The following THSD4 variants were observed in gnomAD, a reference collection of about 807,000 sequenced individuals.
The protein encoded by THSD4 is thrombospondin type 1 domain containing 4.
In THSD4, 69 loss-of-function variants were observed where a neutral mutation model predicts 119.0. That is an observed-to-expected ratio of 0.58 (90% CI 0.48 to 0.71). The LOEUF is 0.71. Ranked by LOEUF, THSD4 falls within the 30% of genes least tolerant of loss-of-function variation. The probability of loss-of-function intolerance (pLI) is 0.00; values close to 1 mark genes in which losing one functional copy is unlikely to be tolerated. For synonymous variants in THSD4, 524 were observed against 540.4 expected (o/e 0.97, Z 0.42); for missense variants, 1,393 against 1,391.1 (o/e 1.00, Z -0.02).
chr15:71,289,843 T>C (rs1159244968), intron 6 of THSD4, among the ~76,000 whole-genome samples: 2 of 152,052 alleles, frequency 1.3e-5, no homozygotes, highest in Non-Finnish European at 2.9e-5. Flanking sequence ...CCCTGGCTTC[T>C]CTTGCCATTT....
intron 3 of THSD4, among the ~76,000 whole-genome samples, chr15:71,193,428 C>G (rs951168473): frequency 1.3e-5 from 2 of 152,104 alleles, no homozygotes; most frequent in African/African-American, 2.4e-5. Flanking sequence ...CTCTAGGTAC[C>G]CTTGGGATAA....
chr15:71,537,724 TCTA>T (rs2048705264), intron 7 of THSD4, among the ~76,000 whole-genome samples: 1 of 152,166 alleles, frequency 6.6e-6, no homozygotes, highest in Non-Finnish European at 1.5e-5. Flanking sequence ...AAATACATTC[TCTA>T]CTGTGTATTT....
intron 12 of THSD4, among the ~76,000 whole-genome samples, chr15:71,745,452 C>G (rs1378471561): frequency 2.0e-5 from 3 of 152,184 alleles, no homozygotes; most frequent in African/African-American, 7.2e-5. Flanking sequence ...TTCTGGGAAG[C>G]CCACCCTTGA....
Position 71,203,276 on chromosome 15 carries a change from A to C in THSD4, c.100-11759A>C, listed in dbSNP as rs1016626702. ...GTTTGGGATGCCATGGCAAAGAGTAATTTTGGATTTTATCTTTTGGAGAGT... is the reference window on the plus strand; with the variant it reads ...GTTTGGGATGCCATGGCAAAGAGTACTTTTGGATTTTATCTTTTGGAGAGT... On this transcript the variant is annotated intron_variant, in intron 3 of 17. Coordinates refer to ENST00000261862, the MANE Select transcript of THSD4 (RefSeq NM_024817.3). 3.3e-5 allele frequency among the ~76,000 whole-genome samples: 5 copies of C among 152,114 alleles called. 1 individual carries two copies. Among genetic ancestry groups the C allele is most frequent in the Non-Finnish European group, 5.9e-5 (4 of 68,030 alleles).
At chr15:71,137,056 G>A (rs868258840) in intron 1 of THSD4, among the ~76,000 whole-genome samples, 4 of 152,154 alleles carry the variant, frequency 2.6e-5, no homozygotes, top group Non-Finnish European at 5.9e-5. Flanking sequence ...CCTTCCTGTA[G>A]GATCTTTGTG....
At chr15:71,228,248 T>C (rs2044033886) in intron 4 of THSD4, among the ~76,000 whole-genome samples, 1 of 151,688 alleles carries the variant, frequency 6.6e-6, no homozygotes, top group African/African-American at 2.4e-5. Context: ...GATGTGAAGA[T>C]AGAATAGAGA....
intron 6 of THSD4, among the ~76,000 whole-genome samples, chr15:71,345,202 T>G (rs993730096): frequency 6.5e-3 from 135 of 20,622 alleles, no homozygotes; most frequent in Middle Eastern, 0.033. Context: ...TGGCGGGGGG[T>G]TGGGGGGGTG....
At chr15:71,584,307 AC>A (rs1381486914) in intron 7 of THSD4, among the ~76,000 whole-genome samples, 1 of 104,066 alleles carries the variant, frequency 9.6e-6, no homozygotes, top group African/African-American at 3.7e-5. Context: ...TCACTTTGTC[AC>A]CCAGGCTGAA....
At chr15:71,530,215 A>AG (rs1214205700) in intron 7 of THSD4, among the ~76,000 whole-genome samples, 1 of 152,216 alleles carries the variant, frequency 6.6e-6, no homozygotes, top group East Asian at 1.9e-4. Context: ...CCAGCCAAGA[A>AG]GACTACCAGC....
intron 8 of THSD4, among the ~76,000 whole-genome samples, chr15:71,715,109 C>T (rs540021299): frequency 1.7e-4 from 26 of 152,278 alleles, no homozygotes; most frequent in Admixed American, 1.1e-3. Context: ...TGTTTATGTA[C>T]ATCTGTTCCC....
In THSD4 at chr15:71,286,879, T is replaced by C. The variant is rs1180116694; in HGVS notation, c.1015+30164T>C. 2.6e-5 allele frequency among the ~76,000 whole-genome samples: 4 copies of C among 152,232 alleles called. No individual in the cohort carries two copies. In the East Asian group the frequency reaches 7.7e-4, roughly 29 times the overall value. On this transcript the variant is annotated intron_variant, in intron 6 of 17. Coordinates refer to ENST00000261862, the MANE Select transcript of THSD4 (RefSeq NM_024817.3). ...GTGAGTTGGTGTCTCATTGTGGCTT[T>C]GATTTACATTTCTCTAATGATCAGT...
At chr15:71,400,065 A>T (rs1044498116) in intron 6 of THSD4, among the ~76,000 whole-genome samples, 2 of 152,200 alleles carry the variant, frequency 1.3e-5, no homozygotes, top group African/African-American at 2.4e-5. Context: ...ACTGTTTCTA[A>T]TCCGGATACC....
intron 6 of THSD4, among the ~76,000 whole-genome samples, chr15:71,265,316 G>A (rs1282344566): frequency 6.6e-6 from 1 of 152,142 alleles, no homozygotes; most frequent in African/African-American, 2.4e-5. Flanking sequence ...AGCTGAAGCA[G>A]GGTGGGGCTC....
intron 7 of THSD4, among the ~76,000 whole-genome samples, chr15:71,617,865 A>G (rs1354997256): frequency 6.6e-6 from 1 of 152,228 alleles, no homozygotes; most frequent in Non-Finnish European, 1.5e-5. Flanking sequence ...TATGTAAAAC[A>G]AAATTGAATT....
Position 71,735,160 on chromosome 15 carries a change from A to G in THSD4, c.1631-2572A>G, listed in dbSNP as rs371430870. Among the ~76,000 whole-genome samples, 5 of 152,292 alleles carry G rather than the reference A, an allele frequency of 3.3e-5. No homozygotes were observed. The East Asian group carries it at 9.7e-4, about 29-fold the overall frequency. On this transcript the variant is annotated intron_variant, in intron 10 of 17. Coordinates refer to ENST00000261862, the MANE Select transcript of THSD4 (RefSeq NM_024817.3). ...AAAGATCTAGAGTCTTAGACAAGCC[A>G]AAACATTGGCTAGACCCCCCTGGTG...
intron 7 of THSD4, among the ~76,000 whole-genome samples, chr15:71,559,223 G>A (rs866552682): frequency 1.3e-5 from 2 of 152,138 alleles, no homozygotes; most frequent in South Asian, 4.1e-4. Flanking sequence ...GCTGACCTCA[G>A]CATTCTTCAG....
intron 6 of THSD4, among the ~76,000 whole-genome samples, chr15:71,384,859 T>A (rs1039359723): frequency 4.6e-5 from 7 of 152,188 alleles, no homozygotes; most frequent in Admixed American, 1.3e-4. Flanking sequence ...ACTCAATTCT[T>A]CCAAAGTTAA....
rs558650436 is a variant in THSD4 at position 71,670,610 on chromosome 15, T to C, written c.1357+9876T>C. 8.6e-5 allele frequency among the ~76,000 whole-genome samples: 13 copies of C among 152,030 alleles called. No individual in the cohort carries two copies. In the East Asian group the frequency reaches 2.5e-3, roughly 29 times the overall value. On this transcript the variant is annotated intron_variant, in intron 8 of 17. Coordinates refer to ENST00000261862, the MANE Select transcript of THSD4 (RefSeq NM_024817.3). ...TGTGCTGCACCCATTAACTTGTCAT[T>C]TACATTAGGTATATCTCCTAATGCT...
Position 71,781,125 on chromosome 15 carries a change from A to G in THSD4, c.*3751A>G, listed in dbSNP as rs556965334. 20 of 190,024 alleles carry G rather than the reference A, an allele frequency of 1.1e-4. No homozygotes were observed. Among genetic ancestry groups the G allele is most frequent in the African/African-American group, 4.1e-4 (18 of 43,388 alleles). The allele number at this position is 190,024 out of a possible 1,614,324, so 11.8% of individuals were successfully genotyped here. A position where few individuals can be genotyped will look rare whatever the true frequency, so the allele number is the denominator to read the frequency against. ...TCCTTGCCATATAAAACATTTTAAT[A>G]TGGTTTACATGGGAAAATATCGATG... On this transcript the variant is annotated 3_prime_UTR_variant, in exon 18 of 18. Transcript: ENST00000261862.
Sources: allele counts gnomAD v4.1 joint callset (sites outside exome capture counted in the v4.1 genomes callset), GRCh38; gene constraint gnomAD v4.1.1; transcripts MANE v1.5; gene names NCBI Gene and HGNC (gene_info 2026-07-23, HGNC 2026-07-21).